Variants in SLA2 observed in about 807,000 individuals in gnomAD.
SLA2 encodes src-like-adapter 2.
In SLA2, 22 loss-of-function variants were observed where a neutral mutation model predicts 27.3. That is an observed-to-expected ratio of 0.81 (90% confidence interval 0.58 to 1.15). SLA2 has a LOEUF of 1.15. Ranked by LOEUF, SLA2 falls within the 50% of genes most tolerant of loss-of-function variation. The pLI, the probability that SLA2 is intolerant of heterozygous loss-of-function variation, is 0.00. For missense variants in SLA2, 304 were observed against 322.2 expected (o/e 0.94, Z 0.43); for synonymous variants, 131 against 137.8 (o/e 0.95, Z 0.34).
At chr20:36,617,096 G>A (rs572761774) in intron 5 of SLA2, among the ~76,000 whole-genome samples, 16 of 152,060 alleles carry the variant, frequency 1.1e-4, no homozygotes, top group Middle Eastern at 3.4e-3. Context: ...AGTGGCTCAC[G>A]CCTGTAATCC....
chr20:36,617,929 C>T (rs577727671), intron 5 of SLA2, among the ~76,000 whole-genome samples: 14 of 151,674 alleles, frequency 9.2e-5, no homozygotes, highest in African/African-American at 2.4e-4. Context: ...AGGCAGATCA[C>T]GAGGTCAGGA....
At chr20:36,641,140 C>A in intron 2 of SLA2, 105 bp downstream of exon 2, 1 of 925,510 alleles carries the variant, frequency 1.1e-6, no homozygotes, top group Admixed American at 1.8e-5. Context: ...AGGCCCTCAG[C>A]GGTGCTTACA....
chr20:36,629,357 C>T (rs186927518), intron 5 of SLA2, among the ~76,000 whole-genome samples: 127 of 150,478 alleles, frequency 8.4e-4, no homozygotes, highest in African/African-American at 3.0e-3. Flanking sequence ...TCCCGCTGGG[C>T]GCGGTGGCTC....
rs191433619 is a variant in SLA2 at position 36,628,250 on chromosome 20, T to C, written c.382+4345A>G. On this transcript the variant is annotated intron_variant, in intron 5 of 7. Transcript: ENST00000262866. ...TGTTCTATGACGTCACTTGGGCCCC[T>C]AGAGTCACTGTGGTGTCAAACCACA... Among the ~76,000 whole-genome samples the C allele has an allele frequency of 3.5e-3, 540 of 152,246 alleles. 4 individuals are homozygous for C. The highest frequency in any genetic ancestry group is 0.011 in the African/African-American group (465 of 41,546).
At chr20:36,644,790 C>T (rs1978286410) in intron 1 of SLA2, among the ~76,000 whole-genome samples, 2 of 151,680 alleles carry the variant, frequency 1.3e-5, no homozygotes, top group African/African-American at 2.4e-5. Flanking sequence ...AGGCACTTTC[C>T]GGAGGACATG....
In SLA2 at chr20:36,615,210, A is replaced by C; in HGVS notation, c.532+15T>G. ...ACTATCCCAGCCTAGTCCTGGAGGC[A>C]GGGAAAGGCCATACCAGAGTAATGG... On this transcript the variant is annotated intron_variant, in intron 6 of 7. Transcript: ENST00000262866. The C allele has an allele frequency of 6.2e-7, 1 of 1,614,064 alleles. No homozygotes were observed.
At chr20:36,625,950 C>T (rs1247608327) in intron 5 of SLA2, among the ~76,000 whole-genome samples, 4 of 151,696 alleles carry the variant, frequency 2.6e-5, no homozygotes, top group African/African-American at 9.7e-5. Flanking sequence ...CATGGCCAAA[C>T]CCTGTTTCTA....
chr20:36,626,842 C>CAA (rs539777775), intron 5 of SLA2, among the ~76,000 whole-genome samples: 155 of 77,480 alleles, frequency 2.0e-3, no homozygotes, highest in Non-Finnish European at 3.1e-3. Flanking sequence ...GACTCCATCT[C>CAA]AAAAAAAAAA....
chr20:36,632,501 T>C, intron 5 of SLA2, 94 bp downstream of exon 5: 1 of 965,426 alleles, frequency 1.0e-6, no homozygotes, highest in South Asian at 1.4e-5. Context: ...AGGCAAAGCC[T>C]ATTTTCTGGG....
At chr20:36,623,316 T>C (rs1463903026) in intron 5 of SLA2, among the ~76,000 whole-genome samples, 2 of 148,870 alleles carry the variant, frequency 1.3e-5, no homozygotes, top group African/African-American at 4.9e-5. Context: ...ATAGGAAAGA[T>C]TGATTATTTT....
At chr20:36,644,858 A>T (rs1978286533) in intron 1 of SLA2, among the ~76,000 whole-genome samples, 1 of 140,086 alleles carries the variant, frequency 7.1e-6, no homozygotes, top group Non-Finnish European at 1.5e-5. Flanking sequence ...CACGCTGCCC[A>T]GAATATTGTG....
At position 36,636,623 on chromosome 20, in the gene SLA2, A is replaced by AAAAAAAAT. The variant is rs1387991352; in HGVS notation, c.92-2035_92-2034insATTTTTTT. ...TCCATCTCAAAAAGAAAAAAAAAAA[A>AAAAAAAAT]ATATATATATATATATATATATATA... On this transcript the variant is annotated intron_variant, in intron 2 of 7. Coordinates refer to ENST00000262866, the MANE Select transcript of SLA2 (RefSeq NM_032214.4). Among the ~76,000 whole-genome samples, 10 of 114,684 alleles carry AAAAAAAAT rather than the reference A, an allele frequency of 8.7e-5. No individual in the cohort carries two copies. The East Asian group carries it at 9.6e-4, about 11-fold the overall frequency. The allele number at this position is 114,684 out of a possible 152,430, so 75.2% of individuals were successfully genotyped here. A position where few individuals can be genotyped will look rare whatever the true frequency, so the allele number is the denominator to read the frequency against.
At chr20:36,614,900 G>A in intron 6 of SLA2, 1 of 985,392 alleles carries the variant, frequency 1.0e-6, no homozygotes, top group African/African-American at 1.7e-5. Flanking sequence ...AGTCAGGATT[G>A]AATCCCACAC....
chr20:36,633,219 G>A (rs765160202), intron 4 of SLA2, among the ~76,000 whole-genome samples: 6 of 151,930 alleles, frequency 3.9e-5, no homozygotes, highest in East Asian at 1.9e-4. Context: ...CTACAGGTGC[G>A]CACCACTGTG....
intron 1 of SLA2, among the ~76,000 whole-genome samples, chr20:36,642,328 C>T (rs1391269911): frequency 3.5e-5 from 5 of 142,532 alleles, no homozygotes; most frequent in Non-Finnish European, 6.2e-5. Context: ...CATACAGGTC[C>T]GAGAGATAAC....
At chr20:36,644,562 CAG>C (rs1978286190) in intron 1 of SLA2, among the ~76,000 whole-genome samples, 1 of 152,226 alleles carries the variant, frequency 6.6e-6, no homozygotes, top group Non-Finnish European at 1.5e-5. Context: ...CAGATGGAGA[CAG>C]GGGAGCTGTA....
intron 5 of SLA2, among the ~76,000 whole-genome samples, chr20:36,626,617 A>ACGGGCAGATCACAAGGT (rs1330282130): frequency 2.6e-5 from 4 of 151,212 alleles, no homozygotes; most frequent in Non-Finnish European, 5.9e-5. Flanking sequence ...GGAGGCCCAG[A>ACGGGCAGATCACAAGGT]CGGGCAGATC....
At chr20:36,633,461 C>A in intron 4 of SLA2, 82 bp downstream of exon 4, 1 of 1,225,140 alleles carries the variant, frequency 8.2e-7, no homozygotes, top group African/African-American at 1.5e-5. Context: ...CTTTGCTCAG[C>A]GCAGAGCCGT....
chr20:36,627,135 A>G (rs2039347780), intron 5 of SLA2, among the ~76,000 whole-genome samples: 1 of 152,176 alleles, frequency 6.6e-6, no homozygotes, highest in Non-Finnish European at 1.5e-5. Flanking sequence ...TAGAAAGAAC[A>G]AGGTGTTTAC....
Sources: gnomAD v4.1 joint callset for allele counts (sites outside exome capture counted in the v4.1 genomes callset) on GRCh38, gnomAD v4.1.1 for gene constraint, MANE v1.5 for transcripts, NCBI Gene and HGNC (gene_info 2026-07-23, HGNC 2026-07-21) for gene names.